PCBP3: variants seen among roughly 807,000 people sequenced by gnomAD.
PCBP3 encodes poly(rC)-binding protein 3.
PCBP3 carries 25 observed loss-of-function variants against 52.7 expected under a neutral mutation model. That is an observed-to-expected ratio of 0.47 (90% CI 0.35 to 0.66). The LOEUF is 0.66. Among genes scored for constraint, PCBP3 ranks in the 30% least tolerant of loss-of-function variants. The probability of loss-of-function intolerance (pLI) is 0.01; values close to 1 mark genes in which losing one functional copy is unlikely to be tolerated. For missense variants in PCBP3, 391 were observed against 490.3 expected, an observed-to-expected ratio of 0.80 and a Z score of 1.91; for synonymous variants, 162 against 183.0, an observed-to-expected ratio of 0.89 and a Z score of 0.93.
At chr21:45,790,268 G>A (rs2091452122) in intron 4 of PCBP3, among the ~76,000 whole-genome samples, 1 of 152,184 alleles carries the variant, frequency 6.6e-6, no homozygotes, top group African/African-American at 2.4e-5. Flanking sequence ...TTCAGGATCC[G>A]TTTTGAAGGT....
intron 2 of PCBP3, among the ~76,000 whole-genome samples, chr21:45,723,277 C>T (rs989452875): frequency 5.9e-5 from 9 of 152,172 alleles, no homozygotes; most frequent in African/African-American, 2.2e-4. Flanking sequence ...GGCTCTGGGG[C>T]AGGCCTCTGA....
At chr21:45,697,327 TTACTCTAAA>T (rs1469077233) in intron 2 of PCBP3, among the ~76,000 whole-genome samples, 3 of 152,156 alleles carry the variant, frequency 2.0e-5, no homozygotes, top group African/African-American at 7.2e-5. Context: ...GCATAAAAAA[TTACTCTAAA>T]TACTCTAAAT....
At chr21:45,729,025 T>C (rs2085262520) in intron 2 of PCBP3, among the ~76,000 whole-genome samples, 1 of 152,204 alleles carries the variant, frequency 6.6e-6, no homozygotes, top group Non-Finnish European at 1.5e-5. Flanking sequence ...CAAAACTTTT[T>C]TGTTACCACG....
At chr21:45,779,610 T>A (rs1373680682) in intron 4 of PCBP3, among the ~76,000 whole-genome samples, 1 of 152,162 alleles carries the variant, frequency 6.6e-6, no homozygotes, top group Non-Finnish European at 1.5e-5. Flanking sequence ...ATGAAAAAAA[T>A]ATTATTTTTA....
intron 4 of PCBP3, among the ~76,000 whole-genome samples, chr21:45,826,706 T>G (rs959690160): frequency 6.6e-6 from 1 of 152,186 alleles, no homozygotes. Flanking sequence ...CCCTGGGTCA[T>G]TTGTTCCAGA....
chr21:45,883,852 TG>T (rs1430450339), intron 5 of PCBP3, among the ~76,000 whole-genome samples: 3 of 152,250 alleles, frequency 2.0e-5, no homozygotes, highest in Non-Finnish European at 4.4e-5. Flanking sequence ...GTGCTTCAAT[TG>T]GTGTATTTGG....
intron 4 of PCBP3, among the ~76,000 whole-genome samples, chr21:45,792,255 C>T (rs975134164): frequency 9.2e-5 from 14 of 152,230 alleles, no homozygotes; most frequent in African/African-American, 3.1e-4. Flanking sequence ...GGCAGCAACC[C>T]GCAGAGCTGC....
At chr21:45,849,856 G>C in intron 4 of PCBP3, 105 bp from the exon 5 acceptor site, 1 of 568,008 alleles carries the variant, frequency 1.8e-6, no homozygotes, top group Middle Eastern at 2.9e-4. Context: ...CTGAAGAGGT[G>C]TTGACTGCTG....
chr21:45,717,222 A>G (rs1227437817), intron 2 of PCBP3, among the ~76,000 whole-genome samples: 1 of 152,068 alleles, frequency 6.6e-6, no homozygotes, highest in East Asian at 1.9e-4. Flanking sequence ...ACTTTATTAT[A>G]CTAGTTTTTT....
At chr21:45,695,144 A>G (rs1451566690) in intron 2 of PCBP3, among the ~76,000 whole-genome samples, 1 of 152,118 alleles carries the variant, frequency 6.6e-6, no homozygotes, top group African/African-American at 2.4e-5. Flanking sequence ...ACCCACCCAA[A>G]TGGTGTGCTG....
At position 45,896,375 on chromosome 21, in the gene PCBP3, G is replaced by A. The variant is rs957204115; in HGVS notation, c.165+13G>A. The A allele has an allele frequency of 3.4e-5, 52 of 1,550,944 alleles. No individual in the cohort carries two copies. The highest frequency in any genetic ancestry group is 3.9e-5 in the Non-Finnish European group (45 of 1,146,546). On this transcript the variant is annotated intron_variant, in intron 6 of 17. Coordinates refer to ENST00000681687, the MANE Select transcript of PCBP3 (RefSeq NM_001384156.1). ...GATGCATGGAAAGGTAAGAGGAGCC[G>A]CCATTGTCTCTGTAGGAAAGGCGGC...
At chr21:45,796,981 G>A (rs180914056) in intron 4 of PCBP3, among the ~76,000 whole-genome samples, 1 of 152,298 alleles carries the variant, frequency 6.6e-6, no homozygotes, top group Non-Finnish European at 1.5e-5. Context: ...TAATGTGTCT[G>A]GGGACAGGCC....
rs1273914896 is a variant in PCBP3 at position 45,837,573 on chromosome 21, G to T, written c.-125-12388G>T. 6.6e-6 allele frequency among the ~76,000 whole-genome samples: 1 copy of T among 152,232 alleles called. No homozygotes were observed. On this transcript the variant is annotated intron_variant, in intron 4 of 17. Transcript: ENST00000681687. The surrounding 1 kb of genome is among the most constrained non-coding windows in gnomAD (Gnocchi z 4.1). The stretch of plus-strand genomic sequence containing the variant: ...GCCCTGGGTTGTCTGCCTCTTGGGG[G>T]TAGCGGCTGTGTGGAATGCCTGCGT...
intron 2 of PCBP3, among the ~76,000 whole-genome samples, chr21:45,708,967 G>A (rs542674522): frequency 6.6e-6 from 1 of 152,390 alleles, no homozygotes; most frequent in South Asian, 2.1e-4. Flanking sequence ...GCTGGCCTGA[G>A]CTTCAGTGCC....
chr21:45,834,313 C>T lies in PCBP3; in HGVS notation c.-125-15648C>T, dbSNP rs542733328. Reference sequence around the variant, plus strand: ...CCGTCAGAGCGCCCTCCGACCAGGGCGCGTGTTAGAGCAGGGACTGGAAGT... The same window carrying T: ...CCGTCAGAGCGCCCTCCGACCAGGGTGCGTGTTAGAGCAGGGACTGGAAGT... On this transcript the variant is annotated intron_variant, in intron 4 of 17. Coordinates refer to ENST00000681687, the MANE Select transcript of PCBP3 (RefSeq NM_001384156.1). Among the ~76,000 whole-genome samples, 7 of 152,320 alleles carry T rather than the reference C, an allele frequency of 4.6e-5. No individual in the cohort carries two copies. The South Asian group carries it at 6.2e-4, about 14-fold the overall frequency.
chr21:45,777,054 T>C (rs1419916261), intron 4 of PCBP3, among the ~76,000 whole-genome samples: 1 of 152,250 alleles, frequency 6.6e-6, no homozygotes, highest in African/African-American at 2.4e-5. Flanking sequence ...GTCATCTTTG[T>C]ACTTCCAGGT....
At chr21:45,894,710 T>G (rs966049403) in intron 5 of PCBP3, among the ~76,000 whole-genome samples, 3 of 152,248 alleles carry the variant, frequency 2.0e-5, no homozygotes, top group Non-Finnish European at 2.9e-5. Flanking sequence ...TGTTTGGCAC[T>G]TTAAATGTGC....
At chr21:45,808,473 T>G (rs2092582312) in intron 4 of PCBP3, among the ~76,000 whole-genome samples, 1 of 152,098 alleles carries the variant, frequency 6.6e-6, no homozygotes, top group Non-Finnish European at 1.5e-5. Context: ...GAAATGCATA[T>G]CAAAACCACA....
chr21:45,749,933 C>T (rs1448249445), intron 3 of PCBP3: 1 of 152,258 alleles, frequency 6.6e-6, no homozygotes, highest in East Asian at 1.9e-4. Context: ...TCATCTCTGT[C>T]AATCAGGAAC....
Sources: allele counts gnomAD v4.1 joint callset (sites outside exome capture counted in the v4.1 genomes callset), GRCh38; gene constraint gnomAD v4.1.1; non-coding constraint Gnocchi (gnomAD v3.1); transcripts MANE v1.5; gene names NCBI Gene and HGNC (gene_info 2026-07-23, HGNC 2026-07-21).